LMF1: variants seen among roughly 807,000 people sequenced by gnomAD.
LMF1 encodes lipase maturation factor 1, also known as transmembrane protein 112.
A neutral mutation model predicts 60.6 loss-of-function variants in LMF1; 68 were observed. That is an observed-to-expected ratio of 1.12 (90% CI 0.92 to 1.37). The LOEUF (loss-of-function observed/expected upper bound fraction) is 1.37, where lower values mean the gene tolerates loss of function less well. Ranked by LOEUF, LMF1 falls within the 40% of genes most tolerant of loss-of-function variation. The pLI, the probability that LMF1 is intolerant of heterozygous loss-of-function variation, is 0.00. For missense variants in LMF1, 948 were observed against 767.2 expected (o/e 1.24, Z -2.78); for synonymous variants, 418 against 324.7 (o/e 1.29, Z -3.09).
rs551513033 is a variant in LMF1, at chr16:871,433, G to A, written c.898-92C>T. 8,341 of 1,275,768 alleles carry A rather than the reference G, an allele frequency of 6.5e-3. 67 individuals carry two copies. The highest frequency in any genetic ancestry group is 8.2e-3 in the Non-Finnish European group (7,425 of 910,246). The allele number at this position is 1,275,768 out of a possible 1,614,324, so 79.0% of individuals were successfully genotyped here. A position where few individuals can be genotyped will look rare whatever the true frequency, so the allele number is the denominator to read the frequency against. On this transcript the variant is annotated intron_variant, in intron 6 of 10. Transcript: ENST00000262301. ...CTCTTCCTGGAGCAGGGAGGGGGGA[G>A]GGAACCTGCACCCAGCTCTGCCCTT...
chr16:921,526 G>C (rs2071431041), intron 3 of LMF1, among the ~76,000 whole-genome samples: 1 of 152,262 alleles, frequency 6.6e-6, no homozygotes, highest in Non-Finnish European at 1.5e-5. Context: ...CTCGCCCTTA[G>C]AACAAGACAG....
At chr16:900,382 G>C (rs2151741216) in intron 4 of LMF1, 1 of 152,438 alleles carries the variant, frequency 6.6e-6, no homozygotes, top group Admixed American at 6.5e-5. Context: ...ACCTCTGGGT[G>C]CTGTAGCCAG....
At chr16:971,324 C>CTCCCCCAGCCAGGCGCCT (rs1299454789), upstream of LMF1, among the ~76,000 whole-genome samples, 6 of 152,242 alleles carry the variant, frequency 3.9e-5, no homozygotes, top group Non-Finnish European at 8.8e-5. Flanking sequence ...GCCAGGTGCC[C>CTCCCCCAGCCAGGCGCCT]TCCCCCAGCC....
chr16:913,625 G>C (rs944759814), intron 3 of LMF1, among the ~76,000 whole-genome samples: 2 of 152,252 alleles, frequency 1.3e-5, no homozygotes, highest in African/African-American at 4.8e-5. Context: ...TCCACAGCCA[G>C]GCTGGTGCCC....
At position 870,720 on chromosome 16, in the gene LMF1, G is replaced by C. The variant is rs144902730; in HGVS notation, c.1232+9C>G. On this transcript the variant is annotated intron_variant, in intron 8 of 10. Transcript: ENST00000262301. ...CCAGCTCCGGGGGACGGGGACCCCAGGCTCATACCTTCCGAAGGCCCCGTA... is the reference window on the plus strand; with the variant it reads ...CCAGCTCCGGGGGACGGGGACCCCACGCTCATACCTTCCGAAGGCCCCGTA... 8.8e-4 allele frequency: 1,411 copies of C among 1,612,510 alleles called. 12 individuals carry two copies. The African/African-American group carries it at 0.017, about 19-fold the overall frequency.
chr16:928,206 C>A (rs4984984), intron 3 of LMF1, among the ~76,000 whole-genome samples: 65,106 of 151,832 alleles, frequency 0.43, 15,254 homozygotes, highest in African/African-American at 0.62. Flanking sequence ...ATGGGCCCCC[C>A]CAGCCTCCAC....
At chr16:973,786 G>T (rs377328854), upstream of LMF1, among the ~76,000 whole-genome samples, 1,752 of 152,266 alleles carry the variant, frequency 0.012, 25 homozygotes, top group South Asian at 0.099. Context: ...GGATCACGAG[G>T]TCAGGAGATC....
rs1280147698 is a variant in LMF1 at position 854,239 on chromosome 16, C to T, written c.*293G>A. 1 of 622,002 alleles carries T rather than the reference C, an allele frequency of 1.6e-6. No homozygotes were observed. Among genetic ancestry groups the T allele is most frequent in the African/African-American group, 1.8e-5 (1 of 55,782 alleles). The allele number at this position is 622,002 out of a possible 1,614,324, so 38.5% of individuals were successfully genotyped here. On this transcript the variant is annotated 3_prime_UTR_variant, in exon 11 of 11. Coordinates refer to ENST00000262301, the MANE Select transcript of LMF1 (RefSeq NM_022773.4). ...CCATTGTCTCAACTCCTGTGGGCGGCACAGCCCCAGGCTGGGCCTCTGGGA... is the reference window on the plus strand; with the variant it reads ...CCATTGTCTCAACTCCTGTGGGCGGTACAGCCCCAGGCTGGGCCTCTGGGA...
intron 2 of LMF1, among the ~76,000 whole-genome samples, chr16:942,893 T>G (rs914044033): frequency 4.7e-4 from 71 of 152,262 alleles, no homozygotes; most frequent in African/African-American, 1.6e-3. Context: ...TCACTGAAGC[T>G]CTGCTCGTTT....
chr16:923,360 A>G (rs1446697648), intron 3 of LMF1, among the ~76,000 whole-genome samples: 5 of 152,108 alleles, frequency 3.3e-5, no homozygotes, highest in African/African-American at 1.2e-4. Context: ...ACAGCCATGT[A>G]TTTCCTAACT....
Position 871,178 on chromosome 16 carries a change from C to T in LMF1, c.1061G>A (p.Arg354Gln), listed in dbSNP as rs138461953. 9.0e-4 allele frequency: 1,440 copies of T among 1,602,340 alleles called. 3 individuals are homozygous for T. Among genetic ancestry groups the T allele is most frequent in the Non-Finnish European group, 1.1e-3 (1,238 of 1,175,210 alleles). The change falls in exon 7 of 11, where the codon CGG (arginine) becomes CAG (glutamine). Residue 354 changes from arginine (R) to glutamine (Q), a missense_variant. By Grantham distance (43) the Arg-to-Gln change is conservative. Coordinates refer to ENST00000262301, the MANE Select transcript of LMF1 (RefSeq NM_022773.4). ...CCACCTACCGAATCTGGGCTCGGGC[C>T]GGGCCCCTCGGATGTCCCTCTGCAT... ...LQMQRDIRGA[R>Q]PEPRFGSVVR... is the part of the protein sequence containing the mutation.
rs554432967 is a variant in LMF1, at chr16:874,754, C to G, written c.898-3413G>C. Among the ~76,000 whole-genome samples, 1 of 151,812 alleles carries G rather than the reference C, an allele frequency of 6.6e-6. No homozygotes were observed. Among genetic ancestry groups the G allele is most frequent in the Admixed American group, 6.6e-5 (1 of 15,260 alleles). ...GAGGCGGCGCTCAGATGGGAACACACGGAACCAGGACAGGCTCCAGGCAGG... is the reference window on the plus strand; with the variant it reads ...GAGGCGGCGCTCAGATGGGAACACAGGGAACCAGGACAGGCTCCAGGCAGG... On this transcript the variant is annotated intron_variant, in intron 6 of 10. Coordinates refer to ENST00000262301, the MANE Select transcript of LMF1 (RefSeq NM_022773.4). The surrounding 1 kb of genome is among the most constrained non-coding windows in gnomAD (Gnocchi z 4.1).
At chr16:910,349 C>G (rs957881413) in intron 4 of LMF1, among the ~76,000 whole-genome samples, 1 of 152,188 alleles carries the variant, frequency 6.6e-6, no homozygotes, top group Non-Finnish European at 1.5e-5. Context: ...CCGCCACCCC[C>G]ACCCCGGGGC....
At chr16:934,861 C>T (rs1344343019) in intron 2 of LMF1, among the ~76,000 whole-genome samples, 1 of 152,182 alleles carries the variant, frequency 6.6e-6, no homozygotes, top group African/African-American at 2.4e-5. Flanking sequence ...ACCTCTCTAA[C>T]CCCACCCCAC....
At position 870,042 on chromosome 16, in the gene LMF1, C is replaced by T. The variant is rs1481600106; in HGVS notation, c.1257G>A (p.Val419=). ...TGGAGCTGGCTGTGCCCTGCAGGATCACCTCCGCCCGCTCCTTGGTGATGC... is the reference window on the plus strand; with the variant it reads ...TGGAGCTGGCTGTGCCCTGCAGGATTACCTCCGCCCGCTCCTTGGTGATGC... ...FGSITKERAE[V]ILQGTASSNA... Residue 419 remains valine, a synonymous_variant, in exon 9 of 11, where the codon GTG becomes GTA. Transcript: ENST00000262301. 1.9e-6 allele frequency: 3 copies of T among 1,610,908 alleles called. No homozygotes were observed. Among genetic ancestry groups the T allele is most frequent in the Non-Finnish European group, 8.5e-7 (1 of 1,179,694 alleles).
intron 1 of LMF1, among the ~76,000 whole-genome samples, chr16:965,533 GAGA>G (rs1192806435): frequency 3.9e-5 from 6 of 152,226 alleles, no homozygotes; most frequent in Admixed American, 3.3e-4. Flanking sequence ...AGCTTCCAGG[GAGA>G]AGAAGAGTCA....
At chr16:869,817 C>A (rs1232446309) in intron 9 of LMF1, 66 bp downstream of exon 9, 1 of 1,513,104 alleles carries the variant, frequency 6.6e-7, no homozygotes. Context: ...TAGAAACCTG[C>A]CATCTATGGG....
chr16:921,256 T>C (rs1453448681), intron 3 of LMF1: 1 of 152,276 alleles, frequency 6.6e-6, no homozygotes, highest in East Asian at 1.9e-4. Context: ...CCTGCAAATC[T>C]GCTTCCACTG....
upstream of LMF1, chr16:981,432 A>T: frequency 3.3e-6 from 1 of 298,756 alleles, no homozygotes; most frequent in Non-Finnish European, 7.2e-6. Context: ...GCTGAGCGTC[A>T]GGACGGGGGG....
Sources: allele counts gnomAD v4.1 joint callset (sites outside exome capture counted in the v4.1 genomes callset), GRCh38; gene constraint gnomAD v4.1.1; non-coding constraint Gnocchi (gnomAD v3.1); transcripts MANE v1.5; gene names NCBI Gene and HGNC (gene_info 2026-07-23, HGNC 2026-07-21).